PEBP4: variants seen among roughly 807,000 people sequenced by gnomAD.
PEBP4 encodes the protein phosphatidylethanolamine binding protein 4.
In PEBP4, 22 loss-of-function variants were observed where a neutral mutation model predicts 23.9. The observed-to-expected ratio is 0.92, with a 90% CI of 0.66 to 1.31. The LOEUF is 1.31. PEBP4 is among the 40% of genes most tolerant of loss of function. The pLI is 0.00. For missense variants in PEBP4, 324 were observed against 281.7 expected (o/e 1.15, Z -1.07); for synonymous variants, 112 against 99.3 (o/e 1.13, Z -0.76).
chr8:22,717,342 C>G (rs1804436015), intron 6 of PEBP4, among the ~76,000 whole-genome samples: 1 of 152,232 alleles, frequency 6.6e-6, no homozygotes, highest in African/African-American at 2.4e-5. Flanking sequence ...TAGACAGGCC[C>G]ACTCTTAAGA....
chr8:22,805,429 C>T (rs566454047), intron 4 of PEBP4, among the ~76,000 whole-genome samples: 5 of 152,350 alleles, frequency 3.3e-5, no homozygotes, highest in South Asian at 2.1e-4. Flanking sequence ...CGGGTTCAAG[C>T]GATTCTCCTG....
chr8:22,817,582 T>C, intron 4 of PEBP4, 55 bp downstream of exon 4: 2 of 1,515,252 alleles, frequency 1.3e-6, no homozygotes, highest in Non-Finnish European at 1.8e-6. Flanking sequence ...CACTGAATGA[T>C]AATCTTCCAG....
intron 2 of PEBP4, among the ~76,000 whole-genome samples, chr8:22,926,822 C>T (rs78704303): frequency 1.3e-5 from 2 of 152,146 alleles, no homozygotes; most frequent in East Asian, 3.8e-4. Context: ...AGTAAGTAGT[C>T]AAAGTTCTTT....
At chr8:22,810,909 A>G (rs1806612809) in intron 4 of PEBP4, among the ~76,000 whole-genome samples, 2 of 151,026 alleles carry the variant, frequency 1.3e-5, no homozygotes, top group Non-Finnish European at 2.9e-5. Context: ...AGAGAGAGAG[A>G]GAGAGAAACC....
At chr8:22,766,134 C>G (rs1471795900) in intron 4 of PEBP4, among the ~76,000 whole-genome samples, 1 of 152,250 alleles carries the variant, frequency 6.6e-6, no homozygotes, top group Non-Finnish European at 1.5e-5. Context: ...TGTCTCCCTT[C>G]CTCACCCTCA....
At chr8:22,772,921 A>C (rs1226503504) in intron 4 of PEBP4, among the ~76,000 whole-genome samples, 1 of 152,220 alleles carries the variant, frequency 6.6e-6, no homozygotes, top group African/African-American at 2.4e-5. Flanking sequence ...AAATACCTGC[A>C]CAGTCTTGGC....
chr8:22,901,410 C>T (rs569546259), intron 3 of PEBP4, among the ~76,000 whole-genome samples: 71 of 152,300 alleles, frequency 4.7e-4, no homozygotes, highest in Admixed American at 7.8e-4. Flanking sequence ...GAGGATGACT[C>T]TCTCTGCCCT....
At chr8:22,907,676 C>G (rs1180253692) in intron 3 of PEBP4, among the ~76,000 whole-genome samples, 1 of 152,154 alleles carries the variant, frequency 6.6e-6, no homozygotes, top group African/African-American at 2.4e-5. Flanking sequence ...GGCTCTCACT[C>G]TGGTGAAATG....
intron 4 of PEBP4, among the ~76,000 whole-genome samples, chr8:22,777,455 G>A (rs568998120): frequency 2.6e-5 from 4 of 152,140 alleles, no homozygotes; most frequent in Non-Finnish European, 5.9e-5. Flanking sequence ...CTGTGGGGAG[G>A]GGGGAACGCA....
In PEBP4 at chr8:22,746,845, G is replaced by A. The variant is rs78190998; in HGVS notation, c.358-19625C>T. Reference sequence around the variant, plus strand: ...CAGCTGCCTGTGGTCATCAAAGTTCGGAGGAATGGAGTTGTAAAAAGAATT... The same window carrying A: ...CAGCTGCCTGTGGTCATCAAAGTTCAGAGGAATGGAGTTGTAAAAAGAATT... On this transcript the variant is annotated intron_variant, in intron 4 of 6. Coordinates refer to ENST00000256404, the MANE Select transcript of PEBP4 (RefSeq NM_144962.3). 3.2e-3 allele frequency among the ~76,000 whole-genome samples: 494 copies of A among 152,254 alleles called. 5 individuals carry two copies. Among genetic ancestry groups the A allele is most frequent in the African/African-American group, 0.011 (445 of 41,548 alleles).
upstream of PEBP4, among the ~76,000 whole-genome samples, chr8:22,929,639 A>C (rs988830196): frequency 6.6e-6 from 1 of 152,228 alleles, no homozygotes; most frequent in Non-Finnish European, 1.5e-5. Context: ...TTGGTCACCA[A>C]GAAGTGGCAG....
intron 6 of PEBP4, among the ~76,000 whole-genome samples, chr8:22,715,507 C>G (rs1804398208): frequency 6.6e-6 from 1 of 152,184 alleles, no homozygotes; most frequent in African/African-American, 2.4e-5. Flanking sequence ...GGGGCCTTCC[C>G]CACCGTAGGG....
chr8:22,901,848 C>G (rs1165713342), intron 3 of PEBP4, among the ~76,000 whole-genome samples: 2 of 152,142 alleles, frequency 1.3e-5, no homozygotes, highest in Non-Finnish European at 2.9e-5. Flanking sequence ...TCATTAGACT[C>G]TGTTTAAGAA....
intron 4 of PEBP4, among the ~76,000 whole-genome samples, chr8:22,782,762 C>T (rs965726815): frequency 7.2e-5 from 11 of 152,152 alleles, no homozygotes; most frequent in Admixed American, 5.2e-4. Flanking sequence ...AGGTTAAGGA[C>T]CGTTTTATCA....
intron 3 of PEBP4, among the ~76,000 whole-genome samples, chr8:22,822,531 C>T (rs1272165232): frequency 6.6e-6 from 1 of 152,186 alleles, no homozygotes; most frequent in East Asian, 1.9e-4. Context: ...TTCCTTTCTT[C>T]TTCTTCTTCT....
rs114240572 is a variant in PEBP4, at chr8:22,898,687, T to A, written c.258+21497A>T. ...GGCCCCTTGGCTGTTAGCTCCTCTT[T>A]GTCCCTTTCTTTATCCTCTGGAGTT... On this transcript the variant is annotated intron_variant, in intron 3 of 6. Transcript: ENST00000256404. 2.0e-3 allele frequency among the ~76,000 whole-genome samples: 299 copies of A among 152,342 alleles called. 5 individuals are homozygous for A. The highest frequency in any genetic ancestry group is 6.9e-3 in the African/African-American group (285 of 41,586).
chr8:22,852,421 A>AT (rs1419389779), intron 3 of PEBP4, among the ~76,000 whole-genome samples: 1 of 152,104 alleles, frequency 6.6e-6, no homozygotes, highest in East Asian at 1.9e-4. Flanking sequence ...CGACCATCCC[A>AT]AGAGCACAAA....
chr8:22,905,313 T>G (rs1272838306), intron 3 of PEBP4, among the ~76,000 whole-genome samples: 2 of 152,134 alleles, frequency 1.3e-5, no homozygotes, highest in Admixed American at 6.5e-5. Flanking sequence ...TTCATCTTTT[T>G]CTTGCTGATT....
At chr8:22,799,095 T>C (rs552087319) in intron 4 of PEBP4, among the ~76,000 whole-genome samples, 1 of 152,202 alleles carries the variant, frequency 6.6e-6, no homozygotes. Context: ...AGCAGCCTCC[T>C]GTTTTGGAGC....
Sources: gnomAD v4.1 joint callset for allele counts (sites outside exome capture counted in the v4.1 genomes callset) on GRCh38, gnomAD v4.1.1 for gene constraint, MANE v1.5 for transcripts, NCBI Gene and HGNC (gene_info 2026-07-23, HGNC 2026-07-21) for gene names.